LURAP1L: variants seen among roughly 807,000 people sequenced by gnomAD.
The protein encoded by LURAP1L is leucine rich adaptor protein 1 like.
LURAP1L carries 12 observed loss-of-function variants against 13.8 expected under a neutral mutation model. That is an observed-to-expected ratio of 0.87 (90% CI 0.56 to 1.41). The LOEUF (loss-of-function observed/expected upper bound fraction) is 1.41, where lower values mean the gene tolerates loss of function less well. Ranked by LOEUF, LURAP1L falls within the 40% of genes most tolerant of loss-of-function variation. The probability of loss-of-function intolerance (pLI) is 0.00; values close to 1 mark genes in which losing one functional copy is unlikely to be tolerated. For synonymous variants in LURAP1L, 139 were observed against 119.2 expected (o/e 1.17, Z -1.08); for missense variants, 375 against 292.9 (o/e 1.28, Z -2.04).
At chr9:12,804,476 G>A (rs545823486) in intron 1 of LURAP1L, among the ~76,000 whole-genome samples, 6 of 151,770 alleles carry the variant, frequency 4.0e-5, no homozygotes, top group African/African-American at 1.4e-4. Flanking sequence ...CCCAGTAGGT[G>A]GGATTACAGG....
Position 12,821,634 on chromosome 9 carries a change from G to C in LURAP1L, c.561G>C (p.Ala187=). The change falls in exon 2 of 2, where the codon GCG becomes GCC. Residue 187 remains alanine, a synonymous_variant. Coordinates refer to ENST00000319264, the MANE Select transcript of LURAP1L (RefSeq NM_203403.2). ...ISVGSYLDTL[A]DDVPGHQTPS... ...TGGGAAGTTATCTGGACACGTTGGC[G>C]GATGATGTCCCAGGCCATCAGACCC... 7 of 1,614,176 alleles carry C rather than the reference G, an allele frequency of 4.3e-6. No individual in the cohort carries two copies. Among genetic ancestry groups the C allele is most frequent in the Non-Finnish European group, 5.9e-6 (7 of 1,180,042 alleles).
intron 1 of LURAP1L, among the ~76,000 whole-genome samples, chr9:12,787,215 T>C (rs759062325): frequency 1.3e-5 from 2 of 152,310 alleles, no homozygotes; most frequent in African/African-American, 2.4e-5. Flanking sequence ...TCTAAATGCA[T>C]ACAACCATAC....
chr9:12,790,718 G>A lies in LURAP1L; in HGVS notation c.312+14691G>A, dbSNP rs528537721. The A allele has an allele frequency of 4.0e-5, 6 of 151,282 alleles. 1 individual carries two copies. Among genetic ancestry groups the A allele is most frequent in the South Asian group, 4.2e-4 (2 of 4,780 alleles). 9.4% of individuals were successfully genotyped at this position (151,282 alleles called of 1,614,324 possible). ...AGGAACCATTGTTCTCAGAGTTGTC[G>A]GAAGAGTAGAGAAATGAAAGGCAGT... is the stretch of plus-strand genomic sequence containing the variant. On this transcript the variant is annotated intron_variant, in intron 1 of 1. Coordinates refer to ENST00000319264, the MANE Select transcript of LURAP1L (RefSeq NM_203403.2).
chr9:12,790,163 T>C (rs375167455), intron 1 of LURAP1L, among the ~76,000 whole-genome samples: 20 of 152,252 alleles, frequency 1.3e-4, no homozygotes, highest in African/African-American at 4.6e-4. Context: ...AGAGTGAAAG[T>C]CTGTGGACAA....
intron 1 of LURAP1L, among the ~76,000 whole-genome samples, chr9:12,776,352 T>C (rs1819183740): frequency 6.6e-6 from 1 of 152,132 alleles, no homozygotes; most frequent in African/African-American, 2.4e-5. Context: ...CACCAGCCCG[T>C]TGAGAGTTTG....
chr9:12,780,178 A>C (rs1289744007), intron 1 of LURAP1L, among the ~76,000 whole-genome samples: 1 of 152,230 alleles, frequency 6.6e-6, no homozygotes, highest in Non-Finnish European at 1.5e-5. Context: ...AGAAACTTGG[A>C]ATCCTGACAC....
chr9:12,798,755 C>T (rs1389358719), intron 1 of LURAP1L, among the ~76,000 whole-genome samples: 1 of 152,136 alleles, frequency 6.6e-6, no homozygotes, highest in African/African-American at 2.4e-5. Context: ...GAATAGAAAT[C>T]AGAAATATTT....
intron 1 of LURAP1L, among the ~76,000 whole-genome samples, chr9:12,803,790 C>T (rs1257772264): frequency 6.6e-6 from 1 of 152,192 alleles, no homozygotes; most frequent in Non-Finnish European, 1.5e-5. Context: ...ACAACTTAAA[C>T]ACTTTAATTT....
chr9:12,785,355 C>T (rs1410184852), intron 1 of LURAP1L, among the ~76,000 whole-genome samples: 1 of 152,144 alleles, frequency 6.6e-6, no homozygotes, highest in East Asian at 1.9e-4. Context: ...ACTCCCTCGG[C>T]TGGCCCAGCT....
In LURAP1L at chr9:12,775,579, AG is replaced by A; in HGVS notation, c.-135del. On this transcript the variant is annotated 5_prime_UTR_variant, in exon 1 of 2. It removes the in-frame stop codon of an upstream open reading frame in the 5' UTR. Transcript: ENST00000319264. ...TGATACCGCATAGGCGGTTATGGAA[AG>A]GACGGTACACCGGAGCGGCGGAGGA... 3 of 1,383,772 alleles carry A rather than the reference AG, an allele frequency of 2.2e-6. No homozygotes were observed. Among genetic ancestry groups the A allele is most frequent in the Non-Finnish European group, 2.8e-6 (3 of 1,057,538 alleles). 85.7% of individuals were successfully genotyped at this position (1,383,772 alleles called of 1,614,324 possible). A position where few individuals can be genotyped will look rare whatever the true frequency, so the allele number is the denominator to read the frequency against.
chr9:12,792,589 G>T (rs548440741), intron 1 of LURAP1L, among the ~76,000 whole-genome samples: 15 of 152,030 alleles, frequency 9.9e-5, no homozygotes, highest in African/African-American at 3.4e-4. Context: ...TCTCCCTGAT[G>T]TTATAGTTGC....
At chr9:12,811,410 C>G (rs1022560131) in intron 1 of LURAP1L, among the ~76,000 whole-genome samples, 4 of 152,120 alleles carry the variant, frequency 2.6e-5, no homozygotes, top group Non-Finnish European at 5.9e-5. Flanking sequence ...CATTAATTAT[C>G]AAACATAAAT....
intron 1 of LURAP1L, among the ~76,000 whole-genome samples, chr9:12,816,559 A>G (rs75506893): frequency 0.033 from 4,970 of 152,296 alleles, 302 homozygotes; most frequent in African/African-American, 0.11. Context: ...CATTGTGCCA[A>G]TGCATAACCT....
chr9:12,803,882 A>G (rs930762144), intron 1 of LURAP1L, among the ~76,000 whole-genome samples: 8 of 152,312 alleles, frequency 5.3e-5, no homozygotes, highest in East Asian at 3.9e-4. Context: ...TTTGTGGAAA[A>G]TAAAATGTAA....
chr9:12,792,351 A>G (rs1819451676), intron 1 of LURAP1L, among the ~76,000 whole-genome samples: 1 of 152,160 alleles, frequency 6.6e-6, no homozygotes, highest in South Asian at 2.1e-4. Flanking sequence ...TTGTCTAAAA[A>G]AAAAGATTTC....
chr9:12,799,133 A>G (rs1671540759), intron 1 of LURAP1L, among the ~76,000 whole-genome samples: 1 of 152,140 alleles, frequency 6.6e-6, no homozygotes. Context: ...GAACATCAAG[A>G]TATTTGTCCC....
At chr9:12,816,071 C>T (rs747100303) in intron 1 of LURAP1L, among the ~76,000 whole-genome samples, 6 of 152,050 alleles carry the variant, frequency 3.9e-5, no homozygotes, top group East Asian at 1.9e-4. Context: ...TAAACAATTT[C>T]GTAATCAAAT....
intron 1 of LURAP1L, among the ~76,000 whole-genome samples, chr9:12,796,200 T>C (rs1335678577): frequency 1.3e-5 from 2 of 151,914 alleles, no homozygotes; most frequent in Non-Finnish European, 2.9e-5. Flanking sequence ...TGGTTTCATT[T>C]TATAATTAAA....
At chr9:12,794,291 G>C (rs1819483999) in intron 1 of LURAP1L, among the ~76,000 whole-genome samples, 1 of 151,856 alleles carries the variant, frequency 6.6e-6, no homozygotes, top group Non-Finnish European at 1.5e-5. Flanking sequence ...TTAAATGTTG[G>C]GTCATTTTTG....
Sources: gnomAD v4.1 joint callset for allele counts (sites outside exome capture counted in the v4.1 genomes callset) on GRCh38, gnomAD v4.1.1 for gene constraint, MANE v1.5 for transcripts, NCBI Gene and HGNC (gene_info 2026-07-23, HGNC 2026-07-21) for gene names.